PHF24: variants seen among roughly 807,000 people sequenced by gnomAD.
PHF24 encodes the protein Galpha inhibitory interacting protein.
Under a neutral mutation model 42.6 loss-of-function variants are expected in PHF24, and 25 were observed. The ratio of observed to expected loss-of-function variants is 0.59; its 90% CI spans 0.43 to 0.82. The LOEUF is 0.82. Ranked by LOEUF, PHF24 falls within the 40% of genes least tolerant of loss-of-function variation. The pLI, the probability that PHF24 is intolerant of heterozygous loss-of-function variation, is 0.00. For missense variants in PHF24, 470 were observed against 538.1 expected, an observed-to-expected ratio of 0.87 and a Z score of 1.25; for synonymous variants, 185 against 204.8, an observed-to-expected ratio of 0.90 and a Z score of 0.83.
At chr9:34,744,885 A>T in the PHF24 span, among the ~76,000 whole-genome samples, 1 of 152,154 alleles carries the variant, frequency 6.6e-6, no homozygotes, top group Admixed American at 6.6e-5. Flanking sequence ...AAAAAAAAAA[A>T]TCCAGGTCCA....
chr9:34,862,356 C>T, the PHF24 span, among the ~76,000 whole-genome samples: 3 of 152,094 alleles, frequency 2.0e-5, no homozygotes, highest in Admixed American at 2.0e-4. Context: ...CCCTCCACAA[C>T]CCCAGGCAGC....
chr9:34,869,097 T>G, the PHF24 span, among the ~76,000 whole-genome samples: 1 of 152,258 alleles, frequency 6.6e-6, no homozygotes, highest in Non-Finnish European at 1.5e-5. Context: ...TTCCTTTTTA[T>G]GGTTGCATAG....
the PHF24 span, among the ~76,000 whole-genome samples, chr9:34,865,425 G>A: frequency 6.6e-6 from 1 of 151,794 alleles, no homozygotes; most frequent in African/African-American, 2.4e-5. Flanking sequence ...TTAGCCAGGT[G>A]TGGTGGTGGG....
the PHF24 span, among the ~76,000 whole-genome samples, chr9:34,671,573 T>C: frequency 6.6e-6 from 1 of 152,194 alleles, no homozygotes; most frequent in Non-Finnish European, 1.5e-5. Flanking sequence ...GGGGTGGGAC[T>C]AGAAGAGAGC....
At chr9:34,849,032 A>G in the PHF24 span, among the ~76,000 whole-genome samples, 2 of 152,266 alleles carry the variant, frequency 1.3e-5, no homozygotes, top group Admixed American at 6.5e-5. Flanking sequence ...TATGTGGTCA[A>G]TTTTGGAATA....
At chr9:34,761,789 G>T in the PHF24 span, among the ~76,000 whole-genome samples, 1 of 152,044 alleles carries the variant, frequency 6.6e-6, no homozygotes, top group Non-Finnish European at 1.5e-5. Context: ...CTGGTGTGCT[G>T]CACCCATTAA....
intron 1 of PHF24, among the ~76,000 whole-genome samples, chr9:34,966,415 G>A (rs1826769257): frequency 6.6e-6 from 1 of 152,094 alleles, no homozygotes; most frequent in African/African-American, 2.4e-5. Context: ...CCAAGACCCT[G>A]TCTCTTTAAA....
the PHF24 span, chr9:34,835,935 G>A: frequency 1.3e-6 from 1 of 757,468 alleles, no homozygotes; most frequent in Admixed American, 2.0e-5. Context: ...GGGAGATCTA[G>A]TCATTCTCAT....
the PHF24 span, among the ~76,000 whole-genome samples, chr9:34,722,202 C>T: frequency 6.6e-6 from 1 of 152,112 alleles, no homozygotes; most frequent in Non-Finnish European, 1.5e-5. Flanking sequence ...TATGATGCTA[C>T]TGGAGTGATG....
the PHF24 span, chr9:34,726,104 G>A: frequency 2.0e-6 from 3 of 1,486,328 alleles, no homozygotes; most frequent in Non-Finnish European, 1.8e-6. Context: ...TGGGTTCATT[G>A]TGGACCATTC....
In PHF24 at chr9:34,977,660, C is replaced by A; in HGVS notation, c.1106+19C>A. ...AGTCCAGGTGAGTAGGACCTCCTCACCTGGCCATTTGTACCCTCTGAACCC... is the reference window on the plus strand; with the variant it reads ...AGTCCAGGTGAGTAGGACCTCCTCAACTGGCCATTTGTACCCTCTGAACCC... On this transcript the variant is annotated intron_variant, in intron 7 of 7. Transcript: ENST00000242315. The A allele has an allele frequency of 6.4e-7, 1 of 1,559,096 alleles. No homozygotes were observed. The highest frequency in any genetic ancestry group is 8.7e-7 in the Non-Finnish European group (1 of 1,145,750).
the PHF24 span, chr9:34,724,138 C>T: frequency 2.6e-6 from 4 of 1,546,686 alleles, no homozygotes; most frequent in East Asian, 7.3e-5. Flanking sequence ...GGTCCTTGCT[C>T]TTGCTAGGGC....
At chr9:34,679,101 G>A in the PHF24 span, among the ~76,000 whole-genome samples, 4 of 152,350 alleles carry the variant, frequency 2.6e-5, no homozygotes, top group South Asian at 8.3e-4. Flanking sequence ...TCAGGGCTGT[G>A]AATCAAGTAT....
At chr9:34,819,072 T>C in the PHF24 span, among the ~76,000 whole-genome samples, 3 of 152,176 alleles carry the variant, frequency 2.0e-5, no homozygotes, top group African/African-American at 7.2e-5. Flanking sequence ...ATCTGTTAAA[T>C]TTGTTGGCAT....
chr9:34,908,254 G>C, the PHF24 span, among the ~76,000 whole-genome samples: 1 of 152,124 alleles, frequency 6.6e-6, no homozygotes, highest in Non-Finnish European at 1.5e-5. Flanking sequence ...TTGTTGTAAG[G>C]ATATTTTAGG....
chr9:34,809,032 T>C, the PHF24 span, among the ~76,000 whole-genome samples: 1 of 114,894 alleles, frequency 8.7e-6, no homozygotes, highest in African/African-American at 4.0e-5. This position sits in a 1 kb window ranked among gnomAD's most constrained non-coding sequence, Gnocchi z 4.1. Context: ...AAACTTAAAG[T>C]ATAATAAAAA....
the PHF24 span, among the ~76,000 whole-genome samples, chr9:34,784,259 T>C: frequency 6.6e-6 from 1 of 151,680 alleles, no homozygotes; most frequent in South Asian, 2.1e-4. Flanking sequence ...CAAGTGAAAG[T>C]GCATAAGACA....
the PHF24 span, among the ~76,000 whole-genome samples, chr9:34,842,446 G>A: frequency 6.6e-6 from 1 of 152,160 alleles, no homozygotes; most frequent in Non-Finnish European, 1.5e-5. Flanking sequence ...AATTACCAAG[G>A]TGATGGTATT....
chr9:34,669,711 C>T, the PHF24 span, among the ~76,000 whole-genome samples: 1 of 152,098 alleles, frequency 6.6e-6, no homozygotes, highest in African/African-American at 2.4e-5. Context: ...CAGAAACTTC[C>T]TTCCCTAATG....
Sources: allele counts gnomAD v4.1 joint callset (sites outside exome capture counted in the v4.1 genomes callset), GRCh38; gene constraint gnomAD v4.1.1; non-coding constraint Gnocchi (gnomAD v3.1); transcripts MANE v1.5; gene names NCBI Gene and HGNC (gene_info 2026-07-23, HGNC 2026-07-21).